SLC1A7: variants seen among roughly 807,000 people sequenced by gnomAD.
The protein encoded by SLC1A7 is excitatory amino acid transporter 5.
A neutral mutation model predicts 47.7 loss-of-function variants in SLC1A7; 40 were observed. That is an observed-to-expected ratio of 0.84 (90% CI 0.65 to 1.09). The LOEUF (loss-of-function observed/expected upper bound fraction) is 1.09, where lower values mean the gene tolerates loss of function less well. SLC1A7 is among the 50% of genes least tolerant of loss of function. The pLI is 0.00. For synonymous variants in SLC1A7, 323 were observed against 325.6 expected, an observed-to-expected ratio of 0.99 and a Z score of 0.09; for missense variants, 746 against 769.5, an observed-to-expected ratio of 0.97 and a Z score of 0.36.
intron 5 of SLC1A7, among the ~76,000 whole-genome samples, chr1:53,094,743 T>C (rs558996075): frequency 7.2e-5 from 11 of 152,262 alleles, no homozygotes; most frequent in African/African-American, 2.6e-4. Context: ...CTCCCCGGGC[T>C]CCACCACCAC....
chr1:53,135,925 G>A (rs1030193047), intron 1 of SLC1A7, among the ~76,000 whole-genome samples: 2 of 151,684 alleles, frequency 1.3e-5, no homozygotes, highest in Non-Finnish European at 2.9e-5. Flanking sequence ...TTGATGATCT[G>A]ATGCTTTAAA....
chr1:53,100,897 T>A (rs995626583), intron 5 of SLC1A7, among the ~76,000 whole-genome samples: 2 of 148,510 alleles, frequency 1.3e-5, no homozygotes, highest in African/African-American at 5.1e-5. Context: ...TCAGACTGCC[T>A]CAATACATTC....
chr1:53,093,407 C>T (rs1644447352), intron 6 of SLC1A7, 54 bp downstream of exon 6: 2 of 1,374,144 alleles, frequency 1.5e-6, no homozygotes, highest in Non-Finnish European at 2.0e-6. Context: ...GTCTTGTCTT[C>T]CCTCCATCCA....
chr1:53,117,911 A>G (rs1557682683), intron 2 of SLC1A7, among the ~76,000 whole-genome samples: 1 of 152,226 alleles, frequency 6.6e-6, no homozygotes, highest in Non-Finnish European at 1.5e-5. Context: ...AAATGGAGAG[A>G]ATCCTGGGAC....
In SLC1A7 at chr1:53,103,518, C is replaced by A. The variant is rs1644607556; in HGVS notation, c.525G>T (p.Glu175Asp). The A allele has an allele frequency of 6.2e-7, 1 of 1,611,974 alleles. No homozygotes were observed. The highest frequency in any genetic ancestry group is 1.1e-5 in the South Asian group (1 of 90,708). ...PVVKSPKVAP[E>D]EAPPRRILIY... Reference sequence around the variant, plus strand: ...TGAGGATCCGCCGAGGAGGGGCCTCCTCTGGTGCCACCTTGGGGGACTTGA... The same window carrying A: ...TGAGGATCCGCCGAGGAGGGGCCTCATCTGGTGCCACCTTGGGGGACTTGA... The change falls in exon 5 of 11, where the codon GAG (glutamate) becomes GAT (aspartate). Residue 175 changes from glutamate (E) to aspartate (D), a missense_variant. Glu to Asp is a conservative substitution (Grantham distance 45, BLOSUM62 2). Coordinates refer to ENST00000371494, the MANE Select transcript of SLC1A7 (RefSeq NM_006671.6).
chr1:53,111,031 GC>G (rs1644696273), intron 3 of SLC1A7, among the ~76,000 whole-genome samples: 1 of 152,194 alleles, frequency 6.6e-6, no homozygotes, highest in Non-Finnish European at 1.5e-5. Context: ...AGGTTAAAGA[GC>G]CAGGCTTCAC....
intron 5 of SLC1A7, among the ~76,000 whole-genome samples, chr1:53,099,319 C>G (rs546271111): frequency 2.0e-3 from 20 of 9,880 alleles, no homozygotes; most frequent in African/African-American, 4.0e-3. Context: ...CTGACACACA[C>G]CACCTCGGTA....
intron 2 of SLC1A7, 50 bp from the exon 3 acceptor site, chr1:53,115,023 C>G (rs767232258): frequency 6.8e-7 from 1 of 1,476,050 alleles, no homozygotes. Context: ...CAGGGCCTGG[C>G]TGGCACTCAG....
chr1:53,095,480 G>T (rs1644475247), intron 5 of SLC1A7, among the ~76,000 whole-genome samples: 1 of 145,662 alleles, frequency 6.9e-6, no homozygotes. Context: ...CCTTGCCTCA[G>T]TACATTCACA....
rs1434674305 is a variant in SLC1A7 at position 53,087,977 on chromosome 1, G to C, written c.*32C>G. ...TTCCTGCCTCAGGACCCTGCCCCTG[G>C]AGGCCTCGCCTGCCCCTGCAGCTCC... On this transcript the variant is annotated 3_prime_UTR_variant, in exon 11 of 11. Coordinates refer to ENST00000371494, the MANE Select transcript of SLC1A7 (RefSeq NM_006671.6). The C allele has an allele frequency of 1.7e-6, 2 of 1,197,372 alleles. No individual in the cohort carries two copies. The highest frequency in any genetic ancestry group is 2.2e-6 in the Non-Finnish European group (2 of 916,868). 74.2% of individuals were successfully genotyped at this position (1,197,372 alleles called of 1,614,324 possible).
intron 4 of SLC1A7, among the ~76,000 whole-genome samples, chr1:53,105,373 T>C (rs1644627857): frequency 6.6e-6 from 1 of 152,178 alleles, no homozygotes; most frequent in South Asian, 2.1e-4. Flanking sequence ...GGCAAATCAT[T>C]GACTCCTCGG....
chr1:53,139,481 G>A (rs1202213832), intron 1 of SLC1A7, among the ~76,000 whole-genome samples: 1 of 152,202 alleles, frequency 6.6e-6, no homozygotes, highest in Non-Finnish European at 1.5e-5. Flanking sequence ...TGGTTCCTTG[G>A]GGCAGGCAGT....
chr1:53,122,552 C>T (rs1644837245), intron 2 of SLC1A7, among the ~76,000 whole-genome samples: 1 of 152,188 alleles, frequency 6.6e-6, no homozygotes, highest in Non-Finnish European at 1.5e-5. Context: ...CCATTAGCGC[C>T]AGCTCCAAGT....
At chr1:53,129,513 CACACATGTCTGAGGAGGGACTTGGG>C (rs1265541723) in intron 2 of SLC1A7, among the ~76,000 whole-genome samples, 6 of 96,226 alleles carry the variant, frequency 6.2e-5, no homozygotes, top group African/African-American at 1.2e-4. Flanking sequence ...TGGACTGAAG[CACACATGTCTGAGGAGGGACTTGGG>C]CCAGGGGCTG....
intron 3 of SLC1A7, among the ~76,000 whole-genome samples, chr1:53,112,407 A>T (rs1051896910): frequency 6.6e-6 from 1 of 152,246 alleles, no homozygotes; most frequent in Non-Finnish European, 1.5e-5. Context: ...AACCAGCAGA[A>T]CTTTCCAGCT....
chr1:53,097,152 T>C (rs1289503336), intron 5 of SLC1A7, among the ~76,000 whole-genome samples: 1 of 146,426 alleles, frequency 6.8e-6, no homozygotes, highest in Non-Finnish European at 1.5e-5. Flanking sequence ...CTTGGTAGAC[T>C]CACATGCCCC....
chr1:53,140,414 A>G (rs1645045689), intron 1 of SLC1A7, among the ~76,000 whole-genome samples: 2 of 152,172 alleles, frequency 1.3e-5, no homozygotes, highest in Admixed American at 1.3e-4. Context: ...AATGCAGCAG[A>G]TAGTTGAGCG....
chr1:53,091,585 T>A (rs1036752873), intron 7 of SLC1A7, among the ~76,000 whole-genome samples: 1 of 152,178 alleles, frequency 6.6e-6, no homozygotes, highest in African/African-American at 2.4e-5. Flanking sequence ...TTCCTGGCAA[T>A]GGCTCCTGGG....
intron 2 of SLC1A7, among the ~76,000 whole-genome samples, chr1:53,120,006 T>G (rs1376981810): frequency 6.6e-6 from 1 of 152,126 alleles, no homozygotes; most frequent in African/African-American, 2.4e-5. Flanking sequence ...AGGCTGGAAC[T>G]CCCTCCTAAG....
Sources: gnomAD v4.1 joint callset for allele counts (sites outside exome capture counted in the v4.1 genomes callset) on GRCh38, gnomAD v4.1.1 for gene constraint, MANE v1.5 for transcripts, NCBI Gene and HGNC (gene_info 2026-07-23, HGNC 2026-07-21) for gene names.